The following ARHGAP21 variants were observed in gnomAD, a reference collection of about 807,000 sequenced individuals.
The protein encoded by ARHGAP21 is Rho GTPase activating protein 21.
A neutral mutation model predicts 164.6 loss-of-function variants in ARHGAP21; 38 were observed. That is an observed-to-expected ratio of 0.23 (90% CI 0.18 to 0.30). The LOEUF (loss-of-function observed/expected upper bound fraction) is 0.30. Among genes scored for constraint, ARHGAP21 ranks in the 10% least tolerant of loss-of-function variants. ARHGAP21 has a pLI of 1.00. For synonymous variants in ARHGAP21, 766 were observed against 857.9 expected, an observed-to-expected ratio of 0.89 and a Z score of 1.87; for missense variants, 1,822 against 2,370.7, an observed-to-expected ratio of 0.77 and a Z score of 4.81.
chr10:24,607,765 C>T lies in ARHGAP21; in HGVS notation c.2561G>A (p.Arg854His), dbSNP rs776128203. ...CGTACCGTGGTCATGTGAGAGCTGA[C>T]GGCGAATTAATGGAGCTGAAGTTGT... ...CLTTSAPLIR[R>H]QLSHDHESVG... The change falls in exon 10 of 26, where the codon CGT (arginine) becomes CAT (histidine). Residue 854 changes from arginine to histidine, a missense_variant. By Grantham distance (29) the Arg-to-His change is conservative. Coordinates refer to ENST00000396432, the MANE Select transcript of ARHGAP21 (RefSeq NM_020824.4). 8 of 1,613,666 alleles carry T rather than the reference C, an allele frequency of 5.0e-6. No individual in the cohort carries two copies. Among genetic ancestry groups the T allele is most frequent in the East Asian group, 2.2e-5 (1 of 44,892 alleles).
intron 25 of ARHGAP21, among the ~76,000 whole-genome samples, chr10:24,588,765 A>G (rs1324705134): frequency 3.9e-5 from 6 of 152,248 alleles, no homozygotes; most frequent in Admixed American, 3.9e-4. Flanking sequence ...TTAAAAAATT[A>G]GTGATTTCAC....
chr10:24,630,502 T>TC (rs1835747035), intron 6 of ARHGAP21, among the ~76,000 whole-genome samples: 1 of 151,414 alleles, frequency 6.6e-6, no homozygotes, highest in East Asian at 1.9e-4. Context: ...TTTAAGTAAT[T>TC]TTTTTTTTAG....
In ARHGAP21 at chr10:24,689,846, GTATATA is replaced by G. The variant is rs1174744274; in HGVS notation, c.64-19455_64-19450del. On this transcript the variant is annotated intron_variant, in intron 2 of 25. Transcript: ENST00000396432. ...TGTATATATGTATGTGTATATATATGTATATATGTATATGTATGTGTATATATACAT... is the reference window on the plus strand; with the variant it reads ...TGTATATATGTATGTGTATATATATGTGTATATGTATGTGTATATATACAT... Among the ~76,000 whole-genome samples the G allele has an allele frequency of 2.0e-5, 3 of 147,888 alleles. No homozygotes were observed. The South Asian group carries it at 6.4e-4, about 31-fold the overall frequency.
chr10:24,636,472 A>G (rs1207759832), intron 4 of ARHGAP21, among the ~76,000 whole-genome samples: 2 of 152,226 alleles, frequency 1.3e-5, no homozygotes, highest in African/African-American at 4.8e-5. Context: ...CCCTTAAAGA[A>G]GAATGTAACT....
chr10:24,688,398 A>C (rs1393327919), intron 2 of ARHGAP21, among the ~76,000 whole-genome samples: 1 of 152,174 alleles, frequency 6.6e-6, no homozygotes, highest in African/African-American at 2.4e-5. Flanking sequence ...GTCTCAAAAA[A>C]AAAAATTCAA....
chr10:24,712,387 G>A (rs1192186521), intron 2 of ARHGAP21, among the ~76,000 whole-genome samples: 1 of 152,120 alleles, frequency 6.6e-6, no homozygotes, highest in East Asian at 1.9e-4. Flanking sequence ...AATATTCATG[G>A]GAGATTGGTT....
intron 2 of ARHGAP21, among the ~76,000 whole-genome samples, chr10:24,717,662 A>G (rs551660830): frequency 1.1e-4 from 16 of 152,340 alleles, no homozygotes; most frequent in African/African-American, 3.8e-4. Flanking sequence ...CAAGTGAGAC[A>G]GAAGCGCGGA....
chr10:24,704,661 G>A (rs1844053093), intron 2 of ARHGAP21, among the ~76,000 whole-genome samples: 1 of 151,930 alleles, frequency 6.6e-6, no homozygotes, highest in African/African-American at 2.4e-5. Context: ...TAGAGACAGG[G>A]TTTTGCCATG....
chr10:24,675,297 C>T (rs1477234830), intron 2 of ARHGAP21, among the ~76,000 whole-genome samples: 1 of 152,024 alleles, frequency 6.6e-6, no homozygotes, highest in African/African-American at 2.4e-5. Flanking sequence ...AGTTAAAGAA[C>T]CCAGATCAAA....
Position 24,619,946 on chromosome 10 carries a change from C to G in ARHGAP21, c.1949G>C (p.Arg650Thr). The change falls in exon 9 of 26, where the codon AGA (arginine) becomes ACA (threonine). Residue 650 changes from arginine to threonine, a missense_variant. By Grantham distance (71) the Arg-to-Thr change is moderately conservative. Coordinates refer to ENST00000396432, the MANE Select transcript of ARHGAP21 (RefSeq NM_020824.4). ...QKSFVSIKDQ[R>T]PVNHLHQNSL... ...GTTCTGATGCAAGTGATTTACTGGT[C>G]TTTGGTCTTTGATAGAAACAAATGA... The G allele has an allele frequency of 1.2e-6, 2 of 1,614,080 alleles. No individual in the cohort carries two copies. The highest frequency in any genetic ancestry group is 1.7e-6 in the Non-Finnish European group (2 of 1,179,982).
intron 21 of ARHGAP21, among the ~76,000 whole-genome samples, chr10:24,593,344 TC>T (rs1413095857): frequency 3.3e-5 from 5 of 152,192 alleles, no homozygotes; most frequent in Non-Finnish European, 7.3e-5. Context: ...GTACTCATCC[TC>T]CTCTTAAATC....
intron 4 of ARHGAP21, among the ~76,000 whole-genome samples, chr10:24,646,977 C>T (rs1274409617): frequency 1.3e-5 from 2 of 152,166 alleles, no homozygotes; most frequent in South Asian, 4.1e-4. Flanking sequence ...TTCTGCAGAA[C>T]ATTAATACTC....
At chr10:24,684,994 C>T (rs1055313921) in intron 2 of ARHGAP21, among the ~76,000 whole-genome samples, 1 of 152,264 alleles carries the variant, frequency 6.6e-6, no homozygotes, top group South Asian at 2.1e-4. Flanking sequence ...TCATTTAAAT[C>T]TGCTTTATAT....
intron 4 of ARHGAP21, among the ~76,000 whole-genome samples, chr10:24,663,674 G>A (rs749798778): frequency 8.5e-5 from 13 of 152,244 alleles, no homozygotes; most frequent in Admixed American, 2.6e-4. Flanking sequence ...GATTAGAAGC[G>A]TGCATCCCCA....
At chr10:24,626,693 C>G (rs547752563) in intron 7 of ARHGAP21, among the ~76,000 whole-genome samples, 1 of 152,242 alleles carries the variant, frequency 6.6e-6, no homozygotes, top group Admixed American at 6.5e-5. Context: ...GGCTATTTCA[C>G]TCATGCATAG....
chr10:24,622,708 G>A, intron 8 of ARHGAP21, 25 bp downstream of exon 8: 1 of 1,600,844 alleles, frequency 6.2e-7, no homozygotes, highest in Non-Finnish European at 8.5e-7. Context: ...AAAAAGCAAG[G>A]AAATGGCTAC....
intron 4 of ARHGAP21, among the ~76,000 whole-genome samples, chr10:24,657,516 C>A (rs1232109188): frequency 8.9e-6 from 1 of 112,362 alleles, no homozygotes; most frequent in Non-Finnish European, 1.9e-5. Context: ...AGTGAGGAGC[C>A]CCTCTGCCCG....
At chr10:24,597,917 T>C (rs1472195597) in intron 15 of ARHGAP21, 28 bp downstream of exon 15, 1 of 1,600,856 alleles carries the variant, frequency 6.2e-7, no homozygotes, top group Non-Finnish European at 8.5e-7. Context: ...TATATCCAAA[T>C]TAACTGCAGG....
chr10:24,591,494 T>C lies in ARHGAP21; in HGVS notation c.4044+148A>G. On this transcript the variant is annotated intron_variant, in intron 23 of 25. Coordinates refer to ENST00000396432, the MANE Select transcript of ARHGAP21 (RefSeq NM_020824.4). ...CTGCAAAATAAGCACCGTACTTGTA[T>C]ATTCATTAGATCAGAAACTGAGCTA... 3.5e-6 allele frequency: 4 copies of C among 1,149,532 alleles called. No homozygotes were observed. In the South Asian group the frequency reaches 4.2e-5, roughly 12 times the overall value. The allele number at this position is 1,149,532 out of a possible 1,614,324, so 71.2% of individuals were successfully genotyped here.
Sources: gnomAD v4.1 joint callset for allele counts (sites outside exome capture counted in the v4.1 genomes callset) on GRCh38, gnomAD v4.1.1 for gene constraint, MANE v1.5 for transcripts, NCBI Gene and HGNC (gene_info 2026-07-23, HGNC 2026-07-21) for gene names.